Variants in TMEM132C observed in about 807,000 individuals in gnomAD.
TMEM132C encodes the protein transmembrane protein 132C, also known as protein phosphatase 1, regulatory subunit 152.
TMEM132C carries 29 observed loss-of-function variants against 61.4 expected under a neutral mutation model. The ratio of observed to expected loss-of-function variants is 0.47; its 90% confidence interval spans 0.35 to 0.64. The LOEUF (loss-of-function observed/expected upper bound fraction) is 0.64, where lower values mean the gene tolerates loss of function less well. Ranked by LOEUF, TMEM132C falls within the 30% of genes least tolerant of loss-of-function variation. TMEM132C has a pLI of 0.00. For missense variants in TMEM132C, 1,408 were observed against 1,476.9 expected, an observed-to-expected ratio of 0.95 and a Z score of 0.76; for synonymous variants, 656 against 633.1, an observed-to-expected ratio of 1.04 and a Z score of -0.54.
chr12:128,426,306 A>T (rs2136032648), intron 2 of TMEM132C, among the ~76,000 whole-genome samples: 1 of 152,320 alleles, frequency 6.6e-6, no homozygotes, highest in Non-Finnish European at 1.5e-5. Context: ...GGATATGAGA[A>T]ACCCTCGAAG....
intron 2 of TMEM132C, among the ~76,000 whole-genome samples, chr12:128,418,091 A>G (rs962739536): frequency 1.3e-5 from 2 of 152,196 alleles, no homozygotes; most frequent in African/African-American, 2.4e-5. Flanking sequence ...CCTGTTCACC[A>G]AGATATGGCA....
chr12:128,687,530 G>A (rs1342450184), intron 5 of TMEM132C, among the ~76,000 whole-genome samples: 1 of 152,178 alleles, frequency 6.6e-6, no homozygotes, highest in Non-Finnish European at 1.5e-5. Flanking sequence ...AGGCAGACAA[G>A]TAGGGGAGGA....
intron 2 of TMEM132C, among the ~76,000 whole-genome samples, chr12:128,421,741 T>G (rs1285998173): frequency 6.6e-6 from 1 of 152,214 alleles, no homozygotes; most frequent in Non-Finnish European, 1.5e-5. Context: ...CCTTTGTTTC[T>G]TGTAGCTATA....
chr12:128,474,287 G>T (rs546146944), intron 2 of TMEM132C, among the ~76,000 whole-genome samples: 61 of 152,240 alleles, frequency 4.0e-4, no homozygotes, highest in African/African-American at 1.4e-3. Flanking sequence ...CTCTGGTCTG[G>T]CAGGTTTTCT....
At chr12:128,475,743 G>C (rs893606157) in intron 2 of TMEM132C, among the ~76,000 whole-genome samples, 1 of 152,188 alleles carries the variant, frequency 6.6e-6, no homozygotes, top group Admixed American at 6.6e-5. Context: ...CATCTGTGCA[G>C]AGTGAACATA....
At position 128,507,384 on chromosome 12, in the gene TMEM132C, CTTTTTTTTTTT is replaced by C. The variant is rs573964437; in HGVS notation, c.975-36570_975-36560del. On this transcript the variant is annotated intron_variant, in intron 2 of 8. Coordinates refer to ENST00000435159, the MANE Select transcript of TMEM132C (RefSeq NM_001136103.3). ...CGAAGGTTTGTCCAGGTGTTTTTTT[CTTTTTTTTTTT>C]TTCTTTCTTTTTTTTTTTTTTTTTT... 1.3e-3 allele frequency among the ~76,000 whole-genome samples: 143 copies of C among 111,572 alleles called. 1 individual carries two copies. Among genetic ancestry groups the C allele is most frequent in the African/African-American group, 4.4e-3 (135 of 30,520 alleles). The allele number at this position is 111,572 out of a possible 152,430, so 73.2% of individuals were successfully genotyped here. A position where few individuals can be genotyped will look rare whatever the true frequency, so the allele number is the denominator to read the frequency against.
chr12:128,670,313 A>AAT lies in TMEM132C; in HGVS notation c.1449+764_1449+765dup, dbSNP rs200575376. Among the ~76,000 whole-genome samples the AAT allele has an allele frequency of 6.2e-3, 950 of 152,102 alleles. 6 individuals carry two copies. The highest frequency in any genetic ancestry group is 0.01 in the Non-Finnish European group (704 of 68,004). On this transcript the variant is annotated intron_variant, in intron 5 of 8. Coordinates refer to ENST00000435159, the MANE Select transcript of TMEM132C (RefSeq NM_001136103.3). ...GGCAGAGCGAGACTCCATCTCAAAT[A>AAT]ATATATATATATGTTATTAGTAACT...
rs951183436 is a variant in TMEM132C, at chr12:128,570,213, C to T, written c.1121+26110C>T. On this transcript the variant is annotated intron_variant, in intron 3 of 8. Coordinates refer to ENST00000435159, the MANE Select transcript of TMEM132C (RefSeq NM_001136103.3). This position sits in a 1 kb window ranked among gnomAD's most constrained non-coding sequence, Gnocchi z 4.7. ...AAAAATATCTACACCTCCCCACCCC[C>T]GCACCCCCCACACACTCACACTGTG... Among the ~76,000 whole-genome samples, 4 of 152,034 alleles carry T rather than the reference C, an allele frequency of 2.6e-5. No individual in the cohort carries two copies. Among genetic ancestry groups the T allele is most frequent in the African/African-American group, 4.8e-5 (2 of 41,378 alleles).
chr12:128,632,005 G>C (rs1042128840), intron 4 of TMEM132C, among the ~76,000 whole-genome samples: 7 of 152,142 alleles, frequency 4.6e-5, no homozygotes, highest in African/African-American at 1.7e-4. Context: ...ATGGGGGGAA[G>C]GGGGGCTGAC....
rs373140664 is a variant in TMEM132C, at chr12:128,379,754, C to T, written c.86-34978C>T. Reference sequence around the variant, plus strand: ...TAATTACATCTGTAAAGACCCCTTTCCCAAGGAAATAACGCCACATTTGCA... The same window carrying T: ...TAATTACATCTGTAAAGACCCCTTTTCCAAGGAAATAACGCCACATTTGCA... On this transcript the variant is annotated intron_variant, in intron 1 of 8. Transcript: ENST00000435159. 3.4e-3 allele frequency among the ~76,000 whole-genome samples: 517 copies of T among 152,342 alleles called. 5 individuals carry two copies. Among genetic ancestry groups the T allele is most frequent in the Middle Eastern group, 0.024 (7 of 294 alleles).
chr12:128,296,516 T>A (rs1433749751), intron 1 of TMEM132C, among the ~76,000 whole-genome samples: 1 of 152,178 alleles, frequency 6.6e-6, no homozygotes, highest in Non-Finnish European at 1.5e-5. Flanking sequence ...CAGAGGCTTC[T>A]CTCAAAAACA....
chr12:128,618,677 T>A (rs1876891219), intron 4 of TMEM132C, among the ~76,000 whole-genome samples: 1 of 152,210 alleles, frequency 6.6e-6, no homozygotes, highest in Non-Finnish European at 1.5e-5. Flanking sequence ...TATAAGGGGT[T>A]TCGCCTTTCA....
chr12:128,287,484 C>CATATCT (rs5801788), intron 1 of TMEM132C, among the ~76,000 whole-genome samples: 11,589 of 149,976 alleles, frequency 0.077, 490 homozygotes, highest in African/African-American at 0.11. Flanking sequence ...CCTCTGTCTG[C>CATATCT]ATATCTATAT....
In TMEM132C at chr12:128,278,985, A is replaced by C. The variant is rs757692454; in HGVS notation, c.85+11498A>C. 6.6e-6 allele frequency among the ~76,000 whole-genome samples: 1 copy of C among 152,142 alleles called. No individual in the cohort carries two copies. Among genetic ancestry groups the C allele is most frequent in the Non-Finnish European group, 1.5e-5 (1 of 68,018 alleles). ...GTCTTCCTTGGGTCTCCAGCCTGCCAGCCCACCCTACAGATTTTGGACTTG... is the reference window on the plus strand; with the variant it reads ...GTCTTCCTTGGGTCTCCAGCCTGCCCGCCCACCCTACAGATTTTGGACTTG... On this transcript the variant is annotated intron_variant, in intron 1 of 8. Transcript: ENST00000435159. This position sits in a 1 kb window ranked among gnomAD's most constrained non-coding sequence, Gnocchi z 4.2.
chr12:128,312,601 A>T (rs142649897), intron 1 of TMEM132C, among the ~76,000 whole-genome samples: 1 of 152,300 alleles, frequency 6.6e-6, no homozygotes, highest in East Asian at 1.9e-4. Flanking sequence ...CAATGGAGGC[A>T]GACATTGGAG....
rs988757172 is a variant in TMEM132C at position 128,297,000 on chromosome 12, C to T, written c.85+29513C>T. Reference sequence around the variant, plus strand: ...CCGTGATCTTTGGACAAAATAAATCCCAGGTTTTTATGGATGTAGGAAATA... The same window carrying T: ...CCGTGATCTTTGGACAAAATAAATCTCAGGTTTTTATGGATGTAGGAAATA... On this transcript the variant is annotated intron_variant, in intron 1 of 8. Transcript: ENST00000435159. Among the ~76,000 whole-genome samples, 5 of 152,024 alleles carry T rather than the reference C, an allele frequency of 3.3e-5. No homozygotes were observed. In the East Asian group the frequency reaches 7.7e-4, roughly 23 times the overall value.
At position 128,706,732 on chromosome 12, in the gene TMEM132C, A is replaced by G. The variant is rs1954843658; in HGVS notation, c.*437A>G. Reference sequence around the variant, plus strand: ...TAAGAGACATTTTCCATTCTAATTCACGATTCACTTTTCCAAGGACAGCCT... The same window carrying G: ...TAAGAGACATTTTCCATTCTAATTCGCGATTCACTTTTCCAAGGACAGCCT... On this transcript the variant is annotated 3_prime_UTR_variant, in exon 9 of 9. Transcript: ENST00000435159. The G allele has an allele frequency of 1.9e-5, 3 of 154,400 alleles. No individual in the cohort carries two copies. Among genetic ancestry groups the G allele is most frequent in the Non-Finnish European group, 4.3e-5 (3 of 69,620 alleles). The allele number at this position is 154,400 out of a possible 1,614,324, so 9.6% of individuals were successfully genotyped here.
chr12:128,520,219 C>T (rs775649049), intron 2 of TMEM132C, among the ~76,000 whole-genome samples: 26 of 152,334 alleles, frequency 1.7e-4, no homozygotes, highest in Non-Finnish European at 2.5e-4. Context: ...TCAGAGCCCT[C>T]GCTCAGCAGT....
intron 2 of TMEM132C, among the ~76,000 whole-genome samples, chr12:128,527,065 T>G (rs1873110902): frequency 6.6e-6 from 1 of 152,224 alleles, no homozygotes; most frequent in Non-Finnish European, 1.5e-5. Context: ...AAGATCCGTT[T>G]CAGCCCGTGC....
Sources: allele counts gnomAD v4.1 joint callset (sites outside exome capture counted in the v4.1 genomes callset), GRCh38; gene constraint gnomAD v4.1.1; non-coding constraint Gnocchi (gnomAD v3.1); transcripts MANE v1.5; gene names NCBI Gene and HGNC (gene_info 2026-07-23, HGNC 2026-07-21).